FGGY: variants seen among roughly 807,000 people sequenced by gnomAD.
FGGY encodes the protein FGGY carbohydrate kinase domain containing, also known as FGGY carbohydrate kinase domain-containing protein.
In FGGY, 72 loss-of-function variants were observed where a neutral mutation model predicts 71.3. That is an observed-to-expected ratio of 1.01 (90% CI 0.84 to 1.23). The LOEUF (loss-of-function observed/expected upper bound fraction) is 1.23. Ranked by LOEUF, FGGY falls within the 50% of genes most tolerant of loss-of-function variation. The probability of loss-of-function intolerance (pLI) is 0.00; values close to 1 mark genes in which losing one functional copy is unlikely to be tolerated. For synonymous variants in FGGY, 251 were observed against 250.3 expected (o/e 1.00, Z -0.02); for missense variants, 668 against 682.3 (o/e 0.98, Z 0.23).
chr1:59,498,319 A>T (rs2094113545), intron 6 of FGGY, among the ~76,000 whole-genome samples: 2 of 152,196 alleles, frequency 1.3e-5, no homozygotes, highest in Non-Finnish European at 2.9e-5. Context: ...TGTAAAATTC[A>T]CACATCCAAT....
intron 8 of FGGY, among the ~76,000 whole-genome samples, chr1:59,575,249 A>G (rs889056958): frequency 3.3e-5 from 5 of 152,274 alleles, no homozygotes; most frequent in African/African-American, 1.2e-4. Context: ...CAATTTGGCC[A>G]ACATCTCTGC....
intron 14 of FGGY, among the ~76,000 whole-genome samples, chr1:59,691,775 G>C (rs1030486868): frequency 4.0e-5 from 6 of 151,670 alleles, no homozygotes; most frequent in Admixed American, 3.3e-4. Context: ...CGTCCTTTGT[G>C]CTAGAAGATT....
At chr1:59,378,416 C>A (rs976200189) in intron 4 of FGGY, among the ~76,000 whole-genome samples, 2 of 151,908 alleles carry the variant, frequency 1.3e-5, no homozygotes, top group Non-Finnish European at 2.9e-5. Flanking sequence ...ACTGTGAGTC[C>A]ATTAAACCTA....
chr1:59,399,074 G>A (rs1447280751), intron 5 of FGGY, among the ~76,000 whole-genome samples: 1 of 152,098 alleles, frequency 6.6e-6, no homozygotes, highest in Non-Finnish European at 1.5e-5. Flanking sequence ...TTACAATTGG[G>A]CCTCTTTGTA....
intron 3 of FGGY, among the ~76,000 whole-genome samples, chr1:59,343,433 A>G (rs2051122185): frequency 6.6e-6 from 1 of 152,210 alleles, no homozygotes; most frequent in African/African-American, 2.4e-5. Flanking sequence ...TTGAAGAATT[A>G]AATAAACACT....
chr1:59,719,493 T>C (rs2097869746), intron 14 of FGGY, among the ~76,000 whole-genome samples: 1 of 152,214 alleles, frequency 6.6e-6, no homozygotes, highest in Non-Finnish European at 1.5e-5. Flanking sequence ...TATGTGAGCA[T>C]ATGTCACAGC....
intron 5 of FGGY, among the ~76,000 whole-genome samples, chr1:59,448,447 C>G (rs2071834513): frequency 6.6e-6 from 1 of 152,234 alleles, no homozygotes; most frequent in South Asian, 2.1e-4. Context: ...TCTCCTGGTT[C>G]CATTGAGGTT....
rs553692694 is a variant in FGGY, at chr1:59,359,383, A to G, written c.465+12985A>G. Among the ~76,000 whole-genome samples, 17 of 152,332 alleles carry G rather than the reference A, an allele frequency of 1.1e-4. No individual in the cohort carries two copies. The East Asian group carries it at 3.3e-3, about 29-fold the overall frequency. ...AAGTTAGACTCAAAATGAAAGAATC[A>G]TACTTGAGACTGGGTGAGATCTGTT... On this transcript the variant is annotated intron_variant, in intron 4 of 15. Coordinates refer to ENST00000303721, the MANE Select transcript of FGGY (RefSeq NM_018291.5).
chr1:59,561,905 A>G (rs1219259665), intron 8 of FGGY, among the ~76,000 whole-genome samples: 1 of 152,232 alleles, frequency 6.6e-6, no homozygotes, highest in Non-Finnish European at 1.5e-5. Context: ...GTTTGAACAG[A>G]CATTTCACCA....
Position 59,521,051 on chromosome 1 carries a change from A to G in FGGY, c.799+8612A>G, listed in dbSNP as rs572762360. On this transcript the variant is annotated intron_variant, in intron 7 of 15. Coordinates refer to ENST00000303721, the MANE Select transcript of FGGY (RefSeq NM_018291.5). Reference sequence around the variant, plus strand: ...AAATTGGGGGTGGGGGGGGATTAGAAATGCAGATAAAGTCATGCCGTGGAA... The same window carrying G: ...AAATTGGGGGTGGGGGGGGATTAGAGATGCAGATAAAGTCATGCCGTGGAA... Among the ~76,000 whole-genome samples, 174 of 151,514 alleles carry G rather than the reference A, an allele frequency of 1.1e-3. 1 individual carries two copies. Among genetic ancestry groups the G allele is most frequent in the African/African-American group, 4.1e-3 (169 of 41,304 alleles).
chr1:59,529,514 A>C (rs955923535), intron 7 of FGGY, among the ~76,000 whole-genome samples: 4 of 152,282 alleles, frequency 2.6e-5, no homozygotes, highest in Admixed American at 1.3e-4. Context: ...GGATGGAGAG[A>C]ATAACATAAA....
intron 14 of FGGY, among the ~76,000 whole-genome samples, chr1:59,743,816 C>G (rs1255225030): frequency 6.6e-6 from 1 of 152,224 alleles, no homozygotes; most frequent in East Asian, 1.9e-4. Flanking sequence ...GCTTCTACAA[C>G]TTTTATCCCC....
At chr1:59,603,450 T>A (rs1323246509) in intron 8 of FGGY, among the ~76,000 whole-genome samples, 1 of 152,218 alleles carries the variant, frequency 6.6e-6, no homozygotes, top group African/African-American at 2.4e-5. Context: ...GACTATTCCA[T>A]CATACAAGCC....
chr1:59,653,899 C>T (rs2097194295), intron 11 of FGGY, among the ~76,000 whole-genome samples: 1 of 152,220 alleles, frequency 6.6e-6, no homozygotes, highest in African/African-American at 2.4e-5. Context: ...GCTTGACTGA[C>T]TCCTCTGCCT....
chr1:59,652,526 T>G (rs2097173762), intron 11 of FGGY, among the ~76,000 whole-genome samples: 1 of 144,716 alleles, frequency 6.9e-6, no homozygotes. Context: ...CTGATACCCT[T>G]TCTTCCAGTT....
intron 14 of FGGY, among the ~76,000 whole-genome samples, chr1:59,688,014 A>T (rs1290231353): frequency 6.6e-6 from 1 of 152,216 alleles, no homozygotes; most frequent in Non-Finnish European, 1.5e-5. Context: ...ACTTGGACTA[A>T]AGCTCAAAAG....
chr1:59,402,329 G>A (rs2062079262), intron 5 of FGGY, among the ~76,000 whole-genome samples: 1 of 152,160 alleles, frequency 6.6e-6, no homozygotes. Flanking sequence ...AGATTTCTGA[G>A]TGCTTGCCTT....
At chr1:59,328,273 A>G (rs2047792211) in intron 2 of FGGY, among the ~76,000 whole-genome samples, 1 of 152,250 alleles carries the variant, frequency 6.6e-6, no homozygotes, top group South Asian at 2.1e-4. Flanking sequence ...AATCATCTGT[A>G]TAACTTGCTG....
rs529550499 is a variant in FGGY at position 59,339,782 on chromosome 1, G to T, written c.202-176G>T. Among the ~76,000 whole-genome samples the T allele has an allele frequency of 1.3e-4, 20 of 151,916 alleles. 1 individual carries two copies. Among genetic ancestry groups the T allele is most frequent in the Non-Finnish European group, 2.4e-4 (16 of 67,972 alleles). ...CTGGCCTTAATTTCCAGTTAGTTTG[G>T]TTCTTTTTTTCTTATTTATAGGATC... is the stretch of plus-strand genomic sequence containing the variant. On this transcript the variant is annotated intron_variant, in intron 2 of 15. Coordinates refer to ENST00000303721, the MANE Select transcript of FGGY (RefSeq NM_018291.5).
Sources: gnomAD v4.1 joint callset for allele counts (sites outside exome capture counted in the v4.1 genomes callset) on GRCh38, gnomAD v4.1.1 for gene constraint, MANE v1.5 for transcripts, NCBI Gene and HGNC (gene_info 2026-07-23, HGNC 2026-07-21) for gene names.